MTIF2: variants seen among roughly 807,000 people sequenced by gnomAD.
MTIF2 encodes translation initiation factor IF-2, mitochondrial.
Under a neutral mutation model 83.5 loss-of-function variants are expected in MTIF2, and 71 were observed. The ratio of observed to expected loss-of-function variants is 0.85; its 90% CI spans 0.70 to 1.04. The LOEUF is 1.04. MTIF2 is among the 50% of genes least tolerant of loss of function. The probability of loss-of-function intolerance (pLI) is 0.00; values close to 1 mark genes in which losing one functional copy is unlikely to be tolerated. For synonymous variants in MTIF2, 319 were observed against 287.1 expected (o/e 1.11, Z -1.12); for missense variants, 957 against 846.5 (o/e 1.13, Z -1.62).
intron 13 of MTIF2, among the ~76,000 whole-genome samples, chr2:55,240,522 T>G (rs746415395): frequency 3.8e-4 from 58 of 152,018 alleles, no homozygotes; most frequent in Non-Finnish European, 6.8e-4. Context: ...GAGGTTGCAG[T>G]GAGCTGAGAT....
At chr2:55,239,536 A>C (rs1183823937) in intron 14 of MTIF2, among the ~76,000 whole-genome samples, 1 of 152,198 alleles carries the variant, frequency 6.6e-6, no homozygotes, top group Non-Finnish European at 1.5e-5. Context: ...AGGAAAAAAA[A>C]CAGATGAGGT....
rs1181221418 is a variant in MTIF2 at position 55,249,596 on chromosome 2, G to A, written c.842-62C>T. On this transcript the variant is annotated intron_variant, in intron 8 of 15. Transcript: ENST00000263629. The stretch of plus-strand genomic sequence containing the variant: ...ACACCTTCAATTCCAGGTATTCACA[G>A]TGAAAGACATCAACTTTCTGTTCTG... The A allele has an allele frequency of 1.3e-5, 20 of 1,569,666 alleles. No individual in the cohort carries two copies. In the Admixed American group the frequency reaches 3.5e-4, roughly 27 times the overall value.
chr2:55,251,199 C>G (rs2104382951), intron 8 of MTIF2, among the ~76,000 whole-genome samples: 1 of 150,798 alleles, frequency 6.6e-6, no homozygotes, highest in Non-Finnish European at 1.5e-5. Flanking sequence ...AAGAGGTGTA[C>G]AAAGCATGAT....
At chr2:55,261,794 T>C (rs1201411245) in intron 5 of MTIF2, among the ~76,000 whole-genome samples, 5 of 151,096 alleles carry the variant, frequency 3.3e-5, no homozygotes, top group Admixed American at 6.6e-5. Flanking sequence ...AAAAATTAGC[T>C]GGGCATAGTG....
chr2:55,246,647 A>G (rs996224164), intron 9 of MTIF2, among the ~76,000 whole-genome samples, 186 bp from the exon 10 acceptor site: 1 of 152,110 alleles, frequency 6.6e-6, no homozygotes, highest in African/African-American at 2.4e-5. Context: ...GAAAAAAGAC[A>G]ATGGGAAGAA....
intron 13 of MTIF2, 123 bp downstream of exon 13, chr2:55,242,817 C>T (rs1415983483): frequency 1.0e-6 from 1 of 960,492 alleles, no homozygotes; most frequent in Admixed American, 2.6e-5. Flanking sequence ...TGGACTATAG[C>T]AGGAAGGGTG....
intron 9 of MTIF2, 152 bp downstream of exon 9, chr2:55,249,243 C>T (rs1015610374): frequency 4.1e-6 from 4 of 968,724 alleles, no homozygotes; most frequent in Non-Finnish European, 6.0e-6. Flanking sequence ...ACATGCCAAA[C>T]CAAGATAATA....
rs190758237 is a variant in MTIF2 at position 55,262,816 on chromosome 2, C to T, written c.220-389G>A. ...CAATTTCGGCTCACTGAAACCTCCA[C>T]CTCCCAGGTTCAAGCGCTTCTCCTG... On this transcript the variant is annotated intron_variant, in intron 4 of 15. Transcript: ENST00000263629. Among the ~76,000 whole-genome samples, 18 of 152,258 alleles carry T rather than the reference C, an allele frequency of 1.2e-4. No homozygotes were observed. The Middle Eastern group carries it at 0.014, about 115-fold the overall frequency.
At chr2:55,254,273 A>G in intron 6 of MTIF2, 72 bp from the exon 7 acceptor site, 1 of 1,519,290 alleles carries the variant, frequency 6.6e-7, no homozygotes, top group Non-Finnish European at 8.9e-7. Context: ...ATTGGTTCAC[A>G]TTTATCCCTG....
chr2:55,269,004 C>G (rs1157548098), intron 1 of MTIF2, 165 bp downstream of exon 1: 1 of 152,114 alleles, frequency 6.6e-6, no homozygotes, highest in East Asian at 1.9e-4. Flanking sequence ...TCGTGAATGC[C>G]TAACGTGGGC....
At chr2:55,245,530 GAAA>G in intron 10 of MTIF2, among the ~76,000 whole-genome samples, 1 of 152,140 alleles carries the variant, frequency 6.6e-6, no homozygotes, top group Admixed American at 6.5e-5. Context: ...GTCTCAAAAA[GAAA>G]GAAAGAAATA....
At chr2:55,245,281 G>C (rs1676609627) in intron 10 of MTIF2, among the ~76,000 whole-genome samples, 1 of 152,152 alleles carries the variant, frequency 6.6e-6, no homozygotes, top group Non-Finnish European at 1.5e-5. Flanking sequence ...CAGCACTTTG[G>C]GAGGCTGAGG....
At chr2:55,247,332 G>A (rs890448211) in intron 9 of MTIF2, among the ~76,000 whole-genome samples, 14 of 152,112 alleles carry the variant, frequency 9.2e-5, no homozygotes, top group Admixed American at 3.3e-4. Context: ...TGAGACGGGC[G>A]GATCACTTGA....
chr2:55,236,868 C>A (rs374958225), intron 15 of MTIF2, 48 bp from the exon 16 acceptor site: 5 of 1,372,634 alleles, frequency 3.6e-6, no homozygotes, highest in Non-Finnish European at 4.9e-6. Context: ...ATGATAAGTA[C>A]CTACTAAATA....
intron 13 of MTIF2, 129 bp from the exon 14 acceptor site, chr2:55,240,304 G>A (rs543732116): frequency 2.0e-4 from 171 of 855,052 alleles, no homozygotes; most frequent in Non-Finnish European, 2.8e-4. Flanking sequence ...TAAGAGGCCA[G>A]GTGCAGTGGC....
rs2104469420 is a variant in MTIF2, at chr2:55,263,798, G to C, written c.61C>G (p.Leu21Val). ...GCTCTTCTTTGACACAGACTGTGCAGTTGCCTATAAATAGTGTGAAATCGT... is the reference window on the plus strand; with the variant it reads ...GCTCTTCTTTGACACAGACTGTGCACTTGCCTATAAATAGTGTGAAATCGT... Reference protein sequence around the residue: ...LLRFHTIYRQLHSLCQRRALR... With the variant: ...LLRFHTIYRQVHSLCQRRALR... Residue 21 changes from leucine (L) to valine (V), a missense_variant, in exon 4 of 16, where the codon CTG becomes GTG. This residue lies in a region of MTIF2 where 733 missense variants were observed against 648.7 expected (regional missense o/e 1.13). Transcript: ENST00000263629. 6.2e-7 allele frequency: 1 copy of C among 1,614,056 alleles called. No homozygotes were observed. Among genetic ancestry groups the C allele is most frequent in the East Asian group, 2.2e-5 (1 of 44,886 alleles).
chr2:55,252,224 T>C (rs1677147468), intron 8 of MTIF2, among the ~76,000 whole-genome samples: 2 of 152,044 alleles, frequency 1.3e-5, no homozygotes, highest in Admixed American at 1.3e-4. Context: ...TGATAAAAAG[T>C]TGAAAAAAAA....
chr2:55,243,132 A>G, intron 12 of MTIF2, 52 bp from the exon 13 acceptor site: 21 of 1,508,116 alleles, frequency 1.4e-5, no homozygotes, highest in Non-Finnish European at 1.9e-5. Context: ...AGACATCAGC[A>G]GACATAAAAA....
intron 5 of MTIF2, among the ~76,000 whole-genome samples, chr2:55,256,328 A>ATAT (rs149034173): frequency 4.3e-5 from 6 of 138,778 alleles, no homozygotes; most frequent in African/African-American, 1.5e-4. Context: ...ACACACACAC[A>ATAT]ATATATATCT....
Sources: allele counts gnomAD v4.1 joint callset (sites outside exome capture counted in the v4.1 genomes callset), GRCh38; gene constraint gnomAD v4.1.1; regional missense constraint gnomAD v4.1.1; transcripts MANE v1.5; gene names NCBI Gene and HGNC (gene_info 2026-07-23, HGNC 2026-07-21).